Variants in GABRP observed in about 807,000 individuals in gnomAD.
GABRP encodes gamma-aminobutyric acid receptor subunit pi.
A neutral mutation model predicts 47.8 loss-of-function variants in GABRP; 52 were observed. The observed-to-expected ratio is 1.09, with a 90% CI of 0.87 to 1.37. The LOEUF (loss-of-function observed/expected upper bound fraction) is 1.37. Among genes scored for constraint, GABRP ranks in the 40% most tolerant of loss-of-function variants. The pLI is 0.00. For synonymous variants in GABRP, 221 were observed against 205.8 expected (o/e 1.07, Z -0.63); for missense variants, 525 against 542.8 (o/e 0.97, Z 0.33).
rs145941447 is a variant in GABRP, at chr5:170,789,157, G to A, written c.82G>A (p.Val28Ile). 10 of 1,613,998 alleles carry A rather than the reference G, an allele frequency of 6.2e-6. No individual in the cohort carries two copies. The highest frequency in any genetic ancestry group is 2.7e-5 in the African/African-American group (2 of 74,902). ...GTGCATCCAGGGGAGTCAGTTCAACGTCGAGGTCGGCAGAAGTGACAAGCT... is the reference window on the plus strand; with the variant it reads ...GTGCATCCAGGGGAGTCAGTTCAACATCGAGGTCGGCAGAAGTGACAAGCT... ...RMCIQGSQFNVEVGRSDKLSL... is the reference protein window; with the variant it reads ...RMCIQGSQFNIEVGRSDKLSL... The change falls in exon 3 of 10, where the codon GTC becomes ATC. Residue 28 changes from valine to isoleucine, a missense_variant. Coordinates refer to ENST00000265294, the MANE Select transcript of GABRP (RefSeq NM_014211.3).
At chr5:170,800,090 A>T (rs1433321216) in intron 6 of GABRP, among the ~76,000 whole-genome samples, 28 of 152,144 alleles carry the variant, frequency 1.8e-4, no homozygotes, top group Admixed American at 5.9e-4. Context: ...GACTTCAAAC[A>T]ATACTACAAG....
intron 1 of GABRP, among the ~76,000 whole-genome samples, chr5:170,785,067 G>T (rs1374472217): frequency 2.0e-5 from 3 of 152,196 alleles, no homozygotes; most frequent in Non-Finnish European, 4.4e-5. Flanking sequence ...AGAACTGGTG[G>T]CCTGAGCCTC....
At chr5:170,805,564 G>A (rs1266140783) in intron 6 of GABRP, 152 bp from the exon 7 acceptor site, 1 of 847,104 alleles carries the variant, frequency 1.2e-6, no homozygotes, top group Non-Finnish European at 1.8e-6. Context: ...ATTGCACTTG[G>A]GAAATCTTGC....
At position 170,789,917 on chromosome 5, in the gene GABRP, A is replaced by G. The variant is rs565601994; in HGVS notation, c.172+670A>G. Among the ~76,000 whole-genome samples the G allele has an allele frequency of 4.6e-5, 7 of 152,262 alleles. No individual in the cohort carries two copies. The South Asian group carries it at 1.5e-3, about 32-fold the overall frequency. On this transcript the variant is annotated intron_variant, in intron 3 of 9. Coordinates refer to ENST00000265294, the MANE Select transcript of GABRP (RefSeq NM_014211.3). ...AAATATCAATTTTCCATCATGTCTC[A>G]GAGCAAACGCTGCCTTCTCTGAGAA...
In GABRP at chr5:170,787,567, G is replaced by A. The variant is rs146014617; in HGVS notation, c.-42-1007G>A. On this transcript the variant is annotated intron_variant, in intron 1 of 9. Coordinates refer to ENST00000265294, the MANE Select transcript of GABRP (RefSeq NM_014211.3). ...GGTCACGACAGCAGCAAGGATCCTC[G>A]GGTCAACTAAGGCCCAGGCCCCAGC... Among the ~76,000 whole-genome samples the A allele has an allele frequency of 1.5e-3, 235 of 152,292 alleles. 2 individuals carry two copies. The highest frequency in any genetic ancestry group is 5.2e-3 in the African/African-American group (216 of 41,572).
At chr5:170,795,873 C>A (rs1341195663) in intron 5 of GABRP, among the ~76,000 whole-genome samples, 1 of 152,120 alleles carries the variant, frequency 6.6e-6, no homozygotes, top group Non-Finnish European at 1.5e-5. Context: ...TTCTTGGGGC[C>A]CAGTGGAACT....
chr5:170,795,590 C>G (rs898724024), intron 5 of GABRP, among the ~76,000 whole-genome samples, 165 bp downstream of exon 5: 4 of 152,200 alleles, frequency 2.6e-5, no homozygotes, highest in Non-Finnish European at 4.4e-5. Flanking sequence ...AGTTCATCAT[C>G]TACCAAATGC....
rs543812577 is a variant in GABRP at position 170,791,047 on chromosome 5, C to T, written c.172+1800C>T. Reference sequence around the variant, plus strand: ...CGTATGACAAGCACGTGAGTCTGCACGCCTTGGTTAGTGCCACTCAACAAT... The same window carrying T: ...CGTATGACAAGCACGTGAGTCTGCATGCCTTGGTTAGTGCCACTCAACAAT... On this transcript the variant is annotated intron_variant, in intron 3 of 9. Transcript: ENST00000265294. Among the ~76,000 whole-genome samples, 11 of 152,328 alleles carry T rather than the reference C, an allele frequency of 7.2e-5. No homozygotes were observed. In the East Asian group the frequency reaches 9.6e-4, roughly 13 times the overall value.
At chr5:170,786,433 A>T (rs2127247833) in intron 1 of GABRP, among the ~76,000 whole-genome samples, 1 of 152,352 alleles carries the variant, frequency 6.6e-6, no homozygotes, top group East Asian at 1.9e-4. Context: ...AAACTTTGGA[A>T]ATAACAGCAT....
chr5:170,793,540 C>G (rs952022818), intron 3 of GABRP, among the ~76,000 whole-genome samples: 1 of 152,168 alleles, frequency 6.6e-6, no homozygotes, highest in African/African-American at 2.4e-5. Flanking sequence ...AGCAAAGTAT[C>G]AGGAGGTCAG....
Position 170,811,953 on chromosome 5 carries a change from TA to T in GABRP, c.1021-2del. The T allele has an allele frequency of 6.2e-7, 1 of 1,612,840 alleles. No individual in the cohort carries two copies. Among genetic ancestry groups the T allele is most frequent in the Non-Finnish European group, 8.5e-7 (1 of 1,179,046 alleles). ...TAAGCTAACTGCATTGTCTATGAAC[TA>T]GGGGACAACAAAGGAAGTAGAAGAA... On this transcript the variant is annotated splice_acceptor_variant, in intron 9 of 9. Transcript: ENST00000265294. LOFTEE classifies it high-confidence loss of function.
intron 3 of GABRP, among the ~76,000 whole-genome samples, chr5:170,791,115 C>T (rs759622174): frequency 6.6e-6 from 1 of 152,228 alleles, no homozygotes; most frequent in African/African-American, 2.4e-5. Context: ...TCAGAATACA[C>T]TCCTTCTTGT....
intron 7 of GABRP, 53 bp downstream of exon 7, chr5:170,805,906 G>C: frequency 1.3e-6 from 2 of 1,587,430 alleles, no homozygotes; most frequent in Non-Finnish European, 1.7e-6. Flanking sequence ...TGAGGTGTAG[G>C]GTTGCTCTCT....
intron 1 of GABRP, among the ~76,000 whole-genome samples, chr5:170,786,803 ATTAAG>A (rs1765141036): frequency 6.6e-6 from 1 of 152,170 alleles, no homozygotes; most frequent in Admixed American, 6.5e-5. Flanking sequence ...GTTTGCTATA[ATTAAG>A]TTAAAAAAGT....
intron 6 of GABRP, among the ~76,000 whole-genome samples, chr5:170,800,583 C>CCTCAATCT (rs1765565073): frequency 6.6e-6 from 1 of 152,082 alleles, no homozygotes; most frequent in South Asian, 2.1e-4. Flanking sequence ...TGTTTTATGG[C>CCTCAATCT]CTCAATCTGC....
chr5:170,795,528 A>G, intron 5 of GABRP, 103 bp downstream of exon 5: 1 of 867,534 alleles, frequency 1.2e-6, no homozygotes, highest in Non-Finnish European at 1.9e-6. Context: ...AGCCACTGTG[A>G]GGTCCCATGG....
intron 5 of GABRP, among the ~76,000 whole-genome samples, chr5:170,796,686 A>G (rs1765437480): frequency 6.6e-6 from 1 of 152,192 alleles, no homozygotes. Context: ...AGCTCACAGT[A>G]AGCACTCAGT....
chr5:170,811,607 G>A (rs1227654950), intron 9 of GABRP, among the ~76,000 whole-genome samples: 2 of 152,164 alleles, frequency 1.3e-5, no homozygotes, highest in African/African-American at 4.8e-5. Flanking sequence ...TGGAGGGATT[G>A]AGGTGACTAA....
intron 8 of GABRP, 149 bp from the exon 9 acceptor site, chr5:170,809,419 T>C: frequency 1.4e-6 from 1 of 712,694 alleles, no homozygotes. Context: ...AACCCTATTC[T>C]AGAAGGTCGC....
Sources: gnomAD v4.1 joint callset for allele counts (sites outside exome capture counted in the v4.1 genomes callset) on GRCh38, gnomAD v4.1.1 for gene constraint, MANE v1.5 for transcripts, NCBI Gene and HGNC (gene_info 2026-07-23, HGNC 2026-07-21) for gene names.